The following INPP5A variants were observed in gnomAD, a reference collection of about 807,000 sequenced individuals.
INPP5A encodes the protein inositol polyphosphate-5-phosphatase A, also known as 43 kDa inositol polyphosphate 5-phophatase.
A neutral mutation model predicts 65.2 loss-of-function variants in INPP5A; 14 were observed. The ratio of observed to expected loss-of-function variants is 0.21; its 90% confidence interval spans 0.14 to 0.34. The LOEUF (loss-of-function observed/expected upper bound fraction) is 0.34, where lower values mean the gene tolerates loss of function less well. Ranked by LOEUF, INPP5A falls within the 10% of genes least tolerant of loss-of-function variation. INPP5A has a pLI of 1.00. For missense variants in INPP5A, 431 were observed against 545.6 expected, an observed-to-expected ratio of 0.79 and a Z score of 2.09; for synonymous variants, 207 against 208.3, an observed-to-expected ratio of 0.99 and a Z score of 0.05.
At chr10:132,700,982 C>T (rs535321524) in intron 6 of INPP5A, among the ~76,000 whole-genome samples, 16 of 152,188 alleles carry the variant, frequency 1.1e-4, no homozygotes, top group Non-Finnish European at 2.2e-4. Flanking sequence ...TCCTTTTGCC[C>T]GTAGTGAGAA....
intron 2 of INPP5A, among the ~76,000 whole-genome samples, chr10:132,608,730 C>T (rs918273054): frequency 2.0e-5 from 3 of 152,200 alleles, no homozygotes; most frequent in African/African-American, 4.8e-5. Flanking sequence ...GTGGCCTGGA[C>T]GGTGGAGCTG....
intron 1 of INPP5A, among the ~76,000 whole-genome samples, chr10:132,596,934 C>CGTGTGT (rs2071705238): frequency 4.9e-5 from 1 of 20,480 alleles, no homozygotes; most frequent in African/African-American, 1.5e-4. Flanking sequence ...CGCATGTGCA[C>CGTGTGT]GCATGTGTGC....
rs112130374 is a variant in INPP5A, at chr10:132,707,605, G to A, written c.475-708G>A. On this transcript the variant is annotated intron_variant, in intron 6 of 15. Transcript: ENST00000368594. The surrounding 1 kb of genome is among the most constrained non-coding windows in gnomAD (Gnocchi z 5.5). Reference sequence around the variant, plus strand: ...AGCAGAGGAACCTACCATGGTGGGAGGTGGGAGGGCAGGAGGGCCTCCATG... The same window carrying A: ...AGCAGAGGAACCTACCATGGTGGGAAGTGGGAGGGCAGGAGGGCCTCCATG... Among the ~76,000 whole-genome samples, 451 of 152,370 alleles carry A rather than the reference G, an allele frequency of 3.0e-3. 2 individuals are homozygous for A. Among genetic ancestry groups the A allele is most frequent in the African/African-American group, 0.011 (438 of 41,592 alleles).
chr10:132,666,171 CTG>C (rs34998927), intron 4 of INPP5A, among the ~76,000 whole-genome samples: 46,460 of 151,972 alleles, frequency 0.31, 8,020 homozygotes, highest in East Asian at 0.77. Flanking sequence ...CATGTCGTGA[CTG>C]TTATAATGCA....
intron 11 of INPP5A, among the ~76,000 whole-genome samples, chr10:132,751,419 C>T (rs1400113752): frequency 6.6e-6 from 1 of 152,222 alleles, no homozygotes; most frequent in African/African-American, 2.4e-5. Context: ...TGGGAGGCAC[C>T]CTCCCCTCTC....
chr10:132,612,135 A>C (rs2071968079), intron 2 of INPP5A, among the ~76,000 whole-genome samples: 1 of 130,522 alleles, frequency 7.7e-6, no homozygotes, highest in East Asian at 2.4e-4. Flanking sequence ...GAGGAGGGTG[A>C]GGGAGGTTAT....
At chr10:132,630,956 A>T (rs1160926471) in intron 2 of INPP5A, among the ~76,000 whole-genome samples, 1 of 152,136 alleles carries the variant, frequency 6.6e-6, no homozygotes, top group Admixed American at 6.5e-5. Context: ...GATTTGCTTA[A>T]GTCACTTGCC....
Position 132,706,490 on chromosome 10 carries a change from A to T in INPP5A, c.475-1823A>T, listed in dbSNP as rs1187038067. ...AAAACAGCCAGAGAGAGGAAAACAT[A>T]CATTCAGAGGATTCACAGTTCGTGT... On this transcript the variant is annotated intron_variant, in intron 6 of 15. Coordinates refer to ENST00000368594, the MANE Select transcript of INPP5A (RefSeq NM_005539.5). This position sits in a 1 kb window ranked among gnomAD's most constrained non-coding sequence, Gnocchi z 4.7. 6.6e-6 allele frequency among the ~76,000 whole-genome samples: 1 copy of T among 152,258 alleles called. No homozygotes were observed. The highest frequency in any genetic ancestry group is 6.5e-5 in the Admixed American group (1 of 15,292).
At chr10:132,615,193 T>C (rs912359754) in intron 2 of INPP5A, among the ~76,000 whole-genome samples, 5 of 152,166 alleles carry the variant, frequency 3.3e-5, no homozygotes, top group African/African-American at 1.2e-4. Context: ...CTCGAGTTGC[T>C]CTGAATTCCC....
At chr10:132,768,212 A>G (rs1440583756) in intron 12 of INPP5A, among the ~76,000 whole-genome samples, 1 of 138,738 alleles carries the variant, frequency 7.2e-6, no homozygotes, top group Non-Finnish European at 1.5e-5. Flanking sequence ...CATTCCAGAA[A>G]GATCTGTGGA....
rs2072712468 is a variant in INPP5A, at chr10:132,659,848, C to A, written c.306+9343C>A. On this transcript the variant is annotated intron_variant, in intron 4 of 15. Transcript: ENST00000368594. The surrounding 1 kb of genome is among the most constrained non-coding windows in gnomAD (Gnocchi z 5.5). ...CAGTGCCTCATCACAGAGCCAGATG[C>A]CCACAACAGGATCCAGTGCTGTCAG... Among the ~76,000 whole-genome samples, 1 of 152,240 alleles carries A rather than the reference C, an allele frequency of 6.6e-6. No homozygotes were observed. Among genetic ancestry groups the A allele is most frequent in the Non-Finnish European group, 1.5e-5 (1 of 68,038 alleles).
At chr10:132,596,249 G>A (rs956350179) in intron 1 of INPP5A, among the ~76,000 whole-genome samples, 4 of 152,128 alleles carry the variant, frequency 2.6e-5, no homozygotes, top group African/African-American at 7.2e-5. Context: ...GCGGCGTGGC[G>A]GCATGGCCCA....
At chr10:132,691,043 C>T (rs1182274730) in intron 5 of INPP5A, among the ~76,000 whole-genome samples, 1 of 152,202 alleles carries the variant, frequency 6.6e-6, no homozygotes, top group Non-Finnish European at 1.5e-5. Context: ...GTTCTCAGAA[C>T]CCCACGCGGC....
chr10:132,714,946 G>A (rs1467455023), intron 8 of INPP5A, among the ~76,000 whole-genome samples: 2 of 152,222 alleles, frequency 1.3e-5, no homozygotes, highest in Non-Finnish European at 2.9e-5. Flanking sequence ...TGAGTGAGGA[G>A]GACCAGGCTC....
At chr10:132,626,892 C>A (rs952386963) in intron 2 of INPP5A, among the ~76,000 whole-genome samples, 1 of 152,184 alleles carries the variant, frequency 6.6e-6, no homozygotes, top group Non-Finnish European at 1.5e-5. Flanking sequence ...GTCTGTTTGG[C>A]TGTAGTTTGG....
chr10:132,690,310 G>C (rs1222211375), intron 4 of INPP5A, 82 bp from the exon 5 acceptor site: 1 of 936,754 alleles, frequency 1.1e-6, no homozygotes, highest in Non-Finnish European at 1.7e-6. Context: ...TAGTTTAAAA[G>C]AGCTTCTTTT....
intron 12 of INPP5A, among the ~76,000 whole-genome samples, chr10:132,773,710 G>A (rs546582528): frequency 2.6e-5 from 4 of 152,208 alleles, no homozygotes; most frequent in Non-Finnish European, 5.9e-5. Context: ...CCGTCCCACA[G>A]AAGAGGCCTG....
chr10:132,752,007 C>T (rs1245639158), intron 11 of INPP5A, among the ~76,000 whole-genome samples: 78 of 83,724 alleles, frequency 9.3e-4, no homozygotes, highest in African/African-American at 3.3e-3. Flanking sequence ...GCCCAGGAGG[C>T]GTCTGGGTAG....
At chr10:132,621,805 C>A (rs950865759) in intron 2 of INPP5A, among the ~76,000 whole-genome samples, 1 of 144,276 alleles carries the variant, frequency 6.9e-6, no homozygotes, top group African/African-American at 2.6e-5. Context: ...TTTTTTAAAT[C>A]TGTGTAGCTG....
Sources: allele counts gnomAD v4.1 joint callset (sites outside exome capture counted in the v4.1 genomes callset), GRCh38; gene constraint gnomAD v4.1.1; non-coding constraint Gnocchi (gnomAD v3.1); transcripts MANE v1.5; gene names NCBI Gene and HGNC (gene_info 2026-07-23, HGNC 2026-07-21).